Variants in PTPRD observed in about 807,000 individuals in gnomAD.
The protein encoded by PTPRD is receptor-type tyrosine-protein phosphatase delta.
Under a neutral mutation model 214.5 loss-of-function variants are expected in PTPRD, and 34 were observed. The observed-to-expected ratio is 0.16, with a 90% CI of 0.12 to 0.21. PTPRD has a LOEUF of 0.21. PTPRD is among the 10% of genes least tolerant of loss of function. The pLI is 1.00. For missense variants in PTPRD, 2,545 were observed against 2,398.7 expected (o/e 1.06, Z -1.27); for synonymous variants, 1,128 against 845.7 (o/e 1.33, Z -5.79).
At chr9:10,310,589 T>C (rs929793418) in intron 3 of PTPRD, among the ~76,000 whole-genome samples, 2 of 151,960 alleles carry the variant, frequency 1.3e-5, no homozygotes, top group Non-Finnish European at 2.9e-5. Context: ...AAAAATGTAA[T>C]TTTAAAGGGA....
intron 5 of PTPRD, among the ~76,000 whole-genome samples, chr9:9,794,045 G>A (rs886982596): frequency 6.6e-6 from 1 of 151,904 alleles, no homozygotes; most frequent in East Asian, 1.9e-4. Flanking sequence ...CATTAAGCTA[G>A]GTTAAAAAAT....
At chr9:10,300,177 C>A (rs918258014) in intron 3 of PTPRD, among the ~76,000 whole-genome samples, 1 of 152,064 alleles carries the variant, frequency 6.6e-6, no homozygotes, top group African/African-American at 2.4e-5. Context: ...AAGTAAAATT[C>A]ACGTAGTATA....
intron 5 of PTPRD, among the ~76,000 whole-genome samples, chr9:9,867,324 G>C (rs1034666318): frequency 6.6e-6 from 1 of 152,070 alleles, no homozygotes; most frequent in Non-Finnish European, 1.5e-5. Context: ...ATTATACCCA[G>C]TCTCAAATTA....
chr9:9,917,484 A>T (rs1035431282), intron 5 of PTPRD, among the ~76,000 whole-genome samples: 57 of 149,962 alleles, frequency 3.8e-4, no homozygotes, highest in African/African-American at 1.3e-3. Context: ...CCAGGACCAG[A>T]TGTCTTTACC....
chr9:8,558,702 T>C (rs2084955078), intron 14 of PTPRD, among the ~76,000 whole-genome samples: 1 of 152,236 alleles, frequency 6.6e-6, no homozygotes, highest in Non-Finnish European at 1.5e-5. Flanking sequence ...TTTAGGTCAG[T>C]TGTCATCACT....
intron 9 of PTPRD, among the ~76,000 whole-genome samples, chr9:9,283,948 G>A (rs1948593939): frequency 6.6e-6 from 1 of 151,458 alleles, no homozygotes; most frequent in Non-Finnish European, 1.5e-5. Flanking sequence ...TAGGTTTTGT[G>A]ACTTTTCATA....
chr9:8,512,002 G>C (rs2097692380), intron 21 of PTPRD, among the ~76,000 whole-genome samples: 1 of 152,072 alleles, frequency 6.6e-6, no homozygotes, highest in African/African-American at 2.4e-5. Flanking sequence ...ATAAAATGTA[G>C]AGATTATCTC....
chr9:8,912,598 C>A (rs2098755809), intron 11 of PTPRD, among the ~76,000 whole-genome samples: 1 of 152,006 alleles, frequency 6.6e-6, no homozygotes, highest in Non-Finnish European at 1.5e-5. Flanking sequence ...TTGAATTGTA[C>A]ACTTATAATG....
intron 9 of PTPRD, among the ~76,000 whole-genome samples, chr9:9,187,810 T>A (rs1299928143): frequency 2.0e-5 from 3 of 151,972 alleles, no homozygotes; most frequent in African/African-American, 4.8e-5. Context: ...TGTTATGTTG[T>A]GTGTGTGTTT....
At chr9:9,439,994 C>G (rs1253096747) in intron 8 of PTPRD, among the ~76,000 whole-genome samples, 1 of 152,156 alleles carries the variant, frequency 6.6e-6, no homozygotes, top group East Asian at 1.9e-4. Context: ...CACTACAAGT[C>G]AAAGTCTATA....
intron 3 of PTPRD, among the ~76,000 whole-genome samples, chr9:10,331,189 C>A (rs79829434): frequency 0.045 from 6,896 of 151,964 alleles, 500 homozygotes; most frequent in African/African-American, 0.16. Flanking sequence ...TCTTGCTTCT[C>A]ACCAAATACT....
intron 2 of PTPRD, among the ~76,000 whole-genome samples, chr9:10,585,414 T>G (rs1489416180): frequency 6.6e-6 from 1 of 151,916 alleles, no homozygotes; most frequent in Non-Finnish European, 1.5e-5. Context: ...TTAACAAATT[T>G]ACCTTTAGAA....
At chr9:9,653,384 A>C (rs1336284887) in intron 7 of PTPRD, among the ~76,000 whole-genome samples, 3 of 137,380 alleles carry the variant, frequency 2.2e-5, no homozygotes, top group Non-Finnish European at 4.8e-5. Context: ...AAAAAAAAAA[A>C]AAGTGCCTCA....
At chr9:8,612,446 T>C (rs1277783318) in intron 14 of PTPRD, among the ~76,000 whole-genome samples, 1 of 152,172 alleles carries the variant, frequency 6.6e-6, no homozygotes, top group Non-Finnish European at 1.5e-5. Context: ...AGTGAAACTG[T>C]AGATAGATCA....
intron 29 of PTPRD, 121 bp from the exon 30 acceptor site, chr9:8,484,499 T>C: frequency 9.8e-7 from 1 of 1,018,370 alleles, no homozygotes; most frequent in Non-Finnish European, 1.4e-6. Flanking sequence ...TTTTAGGTGA[T>C]TTCTAAGTCC....
chr9:9,106,386 A>T (rs965946659), intron 10 of PTPRD, among the ~76,000 whole-genome samples: 3 of 151,876 alleles, frequency 2.0e-5, no homozygotes, highest in African/African-American at 7.3e-5. Context: ...TTAATATGTT[A>T]ATTTATTTAA....
At chr9:9,128,053 C>CT (rs35613764) in intron 10 of PTPRD, among the ~76,000 whole-genome samples, 3 of 152,030 alleles carry the variant, frequency 2.0e-5, no homozygotes, top group Non-Finnish European at 4.4e-5. Context: ...CAATACTGTA[C>CT]TTTTTTAAAA....
At chr9:8,938,259 G>C (rs1567124871) in intron 11 of PTPRD, among the ~76,000 whole-genome samples, 1 of 151,960 alleles carries the variant, frequency 6.6e-6, no homozygotes, top group East Asian at 1.9e-4. Flanking sequence ...GAGAAACAGA[G>C]AGGGGAGAAG....
At chr9:9,593,577 G>A (rs1426406047) in intron 7 of PTPRD, among the ~76,000 whole-genome samples, 1 of 151,860 alleles carries the variant, frequency 6.6e-6, no homozygotes, top group East Asian at 1.9e-4. Flanking sequence ...CTAAAAAGTT[G>A]GAGAACAAAT....
Sources: gnomAD v4.1 joint callset for allele counts (sites outside exome capture counted in the v4.1 genomes callset) on GRCh38, gnomAD v4.1.1 for gene constraint, MANE v1.5 for transcripts, NCBI Gene and HGNC (gene_info 2026-07-23, HGNC 2026-07-21) for gene names.